CBX6: variants seen among roughly 807,000 people sequenced by gnomAD.
CBX6 encodes chromobox 6.
A neutral mutation model predicts 28.4 loss-of-function variants in CBX6; 7 were observed. The ratio of observed to expected loss-of-function variants is 0.25; its 90% CI spans 0.14 to 0.46. CBX6 has a LOEUF of 0.46. Among genes scored for constraint, CBX6 ranks in the 20% least tolerant of loss-of-function variants. CBX6 has a pLI of 0.99. For synonymous variants in CBX6, 297 were observed against 273.4 expected, an observed-to-expected ratio of 1.09 and a Z score of -0.85; for missense variants, 512 against 606.1, an observed-to-expected ratio of 0.84 and a Z score of 1.63.
Position 38,866,750 on chromosome 22 carries a change from G to T in CBX6, c.698C>A (p.Ala233Glu). 6.2e-7 allele frequency: 1 copy of T among 1,609,614 alleles called. No homozygotes were observed. The highest frequency in any genetic ancestry group is 8.5e-7 in the Non-Finnish European group (1 of 1,178,036). Residue 233 changes from alanine to glutamate, a missense_variant, in exon 5 of 5, where the codon GCG (alanine) becomes GAG (glutamate). Physicochemically the swap from Ala to Glu is moderately radical, Grantham distance 107. Coordinates refer to ENST00000407418, the MANE Select transcript of CBX6 (RefSeq NM_014292.5). This position sits in a 1 kb window ranked among gnomAD's most constrained non-coding sequence, Gnocchi z 7.5. ...QIRHMKFGAFALYKPPPAPLV... is the reference protein window; with the variant it reads ...QIRHMKFGAFELYKPPPAPLV... ...GGGGGCGGGCGGAGGCTTGTACAGC[G>T]CAAAGGCGCCGAACTTCATGTGGCG...
At position 38,861,838 on chromosome 22, in the gene CBX6, TGA is replaced by T; in HGVS notation, c.*4369_*4370del. On this transcript the variant is annotated 3_prime_UTR_variant, in exon 5 of 5. Transcript: ENST00000407418. ...AGGCAACAACACTTCATTTTAAAAA[TGA>T]GAGAAAAAAGAGACAGTGCCCCTCC... is the stretch of plus-strand genomic sequence containing the variant. 1 of 152,030 alleles carries T rather than the reference TGA, an allele frequency of 6.6e-6. No individual in the cohort carries two copies. Among genetic ancestry groups the T allele is most frequent in the East Asian group, 1.9e-4 (1 of 5,192 alleles). The allele number at this position is 152,030 out of a possible 1,614,324, so 9.4% of individuals were successfully genotyped here.
Position 38,871,687 on chromosome 22 carries a change from C to G in CBX6, c.179+5G>C, listed in dbSNP as rs1165203558. 3 of 1,613,520 alleles carry G rather than the reference C, an allele frequency of 1.9e-6. No homozygotes were observed. Among genetic ancestry groups the G allele is most frequent in the Non-Finnish European group, 2.5e-6 (3 of 1,179,684 alleles). On this transcript the variant is annotated splice_donor_5th_base_variant and intron_variant, in intron 3 of 4. Coordinates refer to ENST00000407418, the MANE Select transcript of CBX6 (RefSeq NM_014292.5). This position sits in a 1 kb window ranked among gnomAD's most constrained non-coding sequence, Gnocchi z 5.6. ...CAGCCCCTGCCAGCTTCCCCAACAACTCACTTTTGTTCGAAGGCTGCAATG... is the reference window on the plus strand; with the variant it reads ...CAGCCCCTGCCAGCTTCCCCAACAAGTCACTTTTGTTCGAAGGCTGCAATG...
Position 38,864,326 on chromosome 22 carries a change from G to C in CBX6, c.*1883C>G, listed in dbSNP as rs1310376185. 2 of 151,400 alleles carry C rather than the reference G, an allele frequency of 1.3e-5. No individual in the cohort carries two copies. The highest frequency in any genetic ancestry group is 2.1e-4 in the South Asian group (1 of 4,810). 9.4% of individuals were successfully genotyped at this position (151,400 alleles called of 1,614,324 possible). ...GAAAACACAACTTCTTTACAAAAAA[G>C]TCACGAATGACACGAACTCTCAGGA... On this transcript the variant is annotated 3_prime_UTR_variant, in exon 5 of 5. Coordinates refer to ENST00000407418, the MANE Select transcript of CBX6 (RefSeq NM_014292.5).
Position 38,861,444 on chromosome 22 carries a change from C to G in CBX6, c.*4765G>C, listed in dbSNP as rs1396670160. ...AGCTGGAAGAAGACACAGACACACC[C>G]CAACCTAGGGGCTAGGCCTCAGCTT... On this transcript the variant is annotated 3_prime_UTR_variant, in exon 5 of 5. Transcript: ENST00000407418. 6.6e-6 allele frequency: 1 copy of G among 152,210 alleles called. No individual in the cohort carries two copies. 9.4% of individuals were successfully genotyped at this position (152,210 alleles called of 1,614,324 possible).
Position 38,866,141 on chromosome 22 carries a change from G to A in CBX6, c.*68C>T. On this transcript the variant is annotated 3_prime_UTR_variant, in exon 5 of 5. Coordinates refer to ENST00000407418, the MANE Select transcript of CBX6 (RefSeq NM_014292.5). This position sits in a 1 kb window ranked among gnomAD's most constrained non-coding sequence, Gnocchi z 7.5. ...GGAGAGAGGGCTGGGGGCAAGGGTGGGGTGGGAGCAAGAGTATGACTTCGG... is the reference window on the plus strand; with the variant it reads ...GGAGAGAGGGCTGGGGGCAAGGGTGAGGTGGGAGCAAGAGTATGACTTCGG... The A allele has an allele frequency of 9.0e-7, 1 of 1,116,516 alleles. No homozygotes were observed. The allele number at this position is 1,116,516 out of a possible 1,614,324, so 69.2% of individuals were successfully genotyped here.
In CBX6 at chr22:38,865,615, G is replaced by C. The variant is rs1168023771; in HGVS notation, c.*594C>G. 6.5e-6 allele frequency: 1 copy of C among 153,418 alleles called. No homozygotes were observed. The highest frequency in any genetic ancestry group is 1.5e-5 in the Non-Finnish European group (1 of 68,634). The allele number at this position is 153,418 out of a possible 1,614,324, so 9.5% of individuals were successfully genotyped here. A position where few individuals can be genotyped will look rare whatever the true frequency, so the allele number is the denominator to read the frequency against. On this transcript the variant is annotated 3_prime_UTR_variant, in exon 5 of 5. Transcript: ENST00000407418. ...GGGGTTAGGAAAGAGCCAGGGCTGGGGCAGGGCATAGGGGGTCTACTTAGG... is the reference window on the plus strand; with the variant it reads ...GGGGTTAGGAAAGAGCCAGGGCTGGCGCAGGGCATAGGGGGTCTACTTAGG...
intron 4 of CBX6, among the ~76,000 whole-genome samples, chr22:38,867,887 AC>A (rs1234585583): frequency 1.3e-5 from 2 of 152,218 alleles, no homozygotes; most frequent in African/African-American, 2.4e-5. Flanking sequence ...CTGGGCTGGA[AC>A]CCAACCCGGT....
Position 38,866,003 on chromosome 22 carries a change from G to C in CBX6, c.*206C>G. The C allele has an allele frequency of 1.7e-6, 1 of 593,696 alleles. No homozygotes were observed. Among genetic ancestry groups the C allele is most frequent in the Non-Finnish European group, 3.0e-6 (1 of 334,588 alleles). The allele number at this position is 593,696 out of a possible 1,614,324, so 36.8% of individuals were successfully genotyped here. ...GCTACCATGCATGGGCAGGGGGTGT[G>C]CCCTTCCCCTGCCCCATTCCAGGGT... On this transcript the variant is annotated 3_prime_UTR_variant, in exon 5 of 5. Coordinates refer to ENST00000407418, the MANE Select transcript of CBX6 (RefSeq NM_014292.5). This position sits in a 1 kb window ranked among gnomAD's most constrained non-coding sequence, Gnocchi z 7.5.
chr22:38,866,785 A>ACG lies in CBX6; in HGVS notation c.661_662dup (p.Thr222ValfsTer7). ...CGAACTTCATGTGGCGGATCTGTGT[A>ACG]CGCAGGACGCTCTCGCTGAACTTCT... On this transcript the variant is annotated frameshift_variant, in exon 5 of 5. Transcript: ENST00000407418. LOFTEE classifies it high-confidence loss of function. This position sits in a 1 kb window ranked among gnomAD's most constrained non-coding sequence, Gnocchi z 7.5. 6.2e-7 allele frequency: 1 copy of ACG among 1,612,396 alleles called. No homozygotes were observed. Among genetic ancestry groups the ACG allele is most frequent in the Non-Finnish European group, 8.5e-7 (1 of 1,179,404 alleles).
rs770525641 is a variant in CBX6, at chr22:38,866,430, G to A, written c.1018C>T (p.Pro340Ser). Residue 340 changes from proline (P) to serine (S), a missense_variant, in exon 5 of 5, where the codon CCT becomes TCT. By Grantham distance (74) the Pro-to-Ser change is moderately conservative. Transcript: ENST00000407418. The surrounding 1 kb of genome is among the most constrained non-coding windows in gnomAD (Gnocchi z 7.5). ...PEVTAAAGPA[P>S]PTAPEPAGAS... ...CCGGCGGGCTCAGGGGCCGTGGGAG[G>A]TGCCGGGCCGGCAGCAGCTGTGACC... 6.8e-6 allele frequency: 11 copies of A among 1,609,948 alleles called. No homozygotes were observed. The South Asian group carries it at 1.2e-4, about 18-fold the overall frequency.
Position 38,864,587 on chromosome 22 carries a change from A to G in CBX6, c.*1622T>C, listed in dbSNP as rs1355216880. ...AACCCTGCGAGGGTCCCCGTTCTACATCCCGGGGAGGGGAGGGCTAGGGCC... is the reference window on the plus strand; with the variant it reads ...AACCCTGCGAGGGTCCCCGTTCTACGTCCCGGGGAGGGGAGGGCTAGGGCC... On this transcript the variant is annotated 3_prime_UTR_variant, in exon 5 of 5. Coordinates refer to ENST00000407418, the MANE Select transcript of CBX6 (RefSeq NM_014292.5). The G allele has an allele frequency of 6.6e-6, 1 of 152,580 alleles. No individual in the cohort carries two copies. Among genetic ancestry groups the G allele is most frequent in the Non-Finnish European group, 1.5e-5 (1 of 68,088 alleles). 9.5% of individuals were successfully genotyped at this position (152,580 alleles called of 1,614,324 possible).
At position 38,866,136 on chromosome 22, in the gene CBX6, G is replaced by A; in HGVS notation, c.*73C>T. On this transcript the variant is annotated 3_prime_UTR_variant, in exon 5 of 5. Coordinates refer to ENST00000407418, the MANE Select transcript of CBX6 (RefSeq NM_014292.5). The surrounding 1 kb of genome is among the most constrained non-coding windows in gnomAD (Gnocchi z 7.5). ...CACAGGGAGAGAGGGCTGGGGGCAAGGGTGGGGTGGGAGCAAGAGTATGAC... is the reference window on the plus strand; with the variant it reads ...CACAGGGAGAGAGGGCTGGGGGCAAAGGTGGGGTGGGAGCAAGAGTATGAC... 9.2e-7 allele frequency: 1 copy of A among 1,082,686 alleles called. No individual in the cohort carries two copies. The highest frequency in any genetic ancestry group is 1.3e-6 in the Non-Finnish European group (1 of 750,940). The allele number at this position is 1,082,686 out of a possible 1,614,324, so 67.1% of individuals were successfully genotyped here. A position where few individuals can be genotyped will look rare whatever the true frequency, so the allele number is the denominator to read the frequency against.
chr22:38,862,818 C>T lies in CBX6; in HGVS notation c.*3391G>A, dbSNP rs2093160677. 6.6e-6 allele frequency: 1 copy of T among 152,244 alleles called. No homozygotes were observed. The highest frequency in any genetic ancestry group is 6.5e-5 in the Admixed American group (1 of 15,288). 9.4% of individuals were successfully genotyped at this position (152,244 alleles called of 1,614,324 possible). On this transcript the variant is annotated 3_prime_UTR_variant, in exon 5 of 5. Transcript: ENST00000407418. ...TTGTGCTGGCTCCAGGGCCTGGGCC[C>T]TGCCTTTTAAAGGGCTTTTCCCCAT...
rs554969027 is a variant in CBX6 at position 38,870,051 on chromosome 22, C to T, written c.246+1429G>A. 3 of 152,416 alleles carry T rather than the reference C, an allele frequency of 2.0e-5. No individual in the cohort carries two copies. In the South Asian group the frequency reaches 6.2e-4, roughly 32 times the overall value. The allele number at this position is 152,416 out of a possible 1,614,324, so 9.4% of individuals were successfully genotyped here. A position where few individuals can be genotyped will look rare whatever the true frequency, so the allele number is the denominator to read the frequency against. On this transcript the variant is annotated intron_variant, in intron 4 of 4. Coordinates refer to ENST00000407418, the MANE Select transcript of CBX6 (RefSeq NM_014292.5). This position sits in a 1 kb window ranked among gnomAD's most constrained non-coding sequence, Gnocchi z 4.3. ...TAAAAAAGTCCTACTATCTGTGTCTCTATCCCCTGCCACGCCAACTCTGCA... is the reference window on the plus strand; with the variant it reads ...TAAAAAAGTCCTACTATCTGTGTCTTTATCCCCTGCCACGCCAACTCTGCA...
Position 38,871,080 on chromosome 22 carries a change from C to T in CBX6, c.246+400G>A, listed in dbSNP as rs1435452318. ...AGGCAGGTGGTCCCCCAAATCCTCTCCTTGTGCCCTGCCAGGAGGTGGGAC... is the reference window on the plus strand; with the variant it reads ...AGGCAGGTGGTCCCCCAAATCCTCTTCTTGTGCCCTGCCAGGAGGTGGGAC... On this transcript the variant is annotated intron_variant, in intron 4 of 4. Coordinates refer to ENST00000407418, the MANE Select transcript of CBX6 (RefSeq NM_014292.5). The surrounding 1 kb of genome is among the most constrained non-coding windows in gnomAD (Gnocchi z 5.6). 2 of 212,720 alleles carry T rather than the reference C, an allele frequency of 9.4e-6. No homozygotes were observed. The highest frequency in any genetic ancestry group is 4.7e-5 in the African/African-American group (2 of 42,800). 13.2% of individuals were successfully genotyped at this position (212,720 alleles called of 1,614,324 possible).
At position 38,866,847 on chromosome 22, in the gene CBX6, T is replaced by C. The variant is rs542168274; in HGVS notation, c.601A>G (p.Lys201Glu). ...GQGAGALARP[K>E]VPSRNRVIGK... ...ATAACGCGGTTCCGCGAGGGGACTT[T>C]GGGGCGGGCCAGCGCCCCGGCCCCC... The change falls in exon 5 of 5, where the codon AAA becomes GAA. Residue 201 changes from lysine (K) to glutamate (E), a missense_variant. Physicochemically the swap from Lys to Glu is moderately conservative, Grantham distance 56. This residue lies in a region of CBX6 where 290 missense variants were observed against 274.1 expected (regional missense o/e 1.06). Transcript: ENST00000407418. This position sits in a 1 kb window ranked among gnomAD's most constrained non-coding sequence, Gnocchi z 7.5. 1.2e-6 allele frequency: 2 copies of C among 1,610,346 alleles called. No homozygotes were observed. The highest frequency in any genetic ancestry group is 1.3e-5 in the African/African-American group (1 of 74,862).
In CBX6 at chr22:38,872,109, G is replaced by A. The variant is rs1603251130; in HGVS notation, c.69+13C>T. Reference sequence around the variant, plus strand: ...CTGCGGACAGCGGCGGCCCGCCCCGGGCGGCGGCTCACCTTTCGGATCCGC... The same window carrying A: ...CTGCGGACAGCGGCGGCCCGCCCCGAGCGGCGGCTCACCTTTCGGATCCGC... On this transcript the variant is annotated intron_variant, in intron 1 of 4. Coordinates refer to ENST00000407418, the MANE Select transcript of CBX6 (RefSeq NM_014292.5). The surrounding 1 kb of genome is among the most constrained non-coding windows in gnomAD (Gnocchi z 5.0). 1 of 1,379,356 alleles carries A rather than the reference G, an allele frequency of 7.2e-7. No homozygotes were observed. Among genetic ancestry groups the A allele is most frequent in the Non-Finnish European group, 9.5e-7 (1 of 1,053,352 alleles). 85.4% of individuals were successfully genotyped at this position (1,379,356 alleles called of 1,614,324 possible). A position where few individuals can be genotyped will look rare whatever the true frequency, so the allele number is the denominator to read the frequency against.
chr22:38,872,021 C>G lies in CBX6; in HGVS notation c.70-76G>C. On this transcript the variant is annotated intron_variant, in intron 1 of 4. Coordinates refer to ENST00000407418, the MANE Select transcript of CBX6 (RefSeq NM_014292.5). This position sits in a 1 kb window ranked among gnomAD's most constrained non-coding sequence, Gnocchi z 5.0. ...GACGCGAGGAGGCGGCGGCGCGGGG[C>G]TGGGCGAGGGAGCCGGGCTAGCGGG... 7.1e-7 allele frequency: 1 copy of G among 1,405,258 alleles called. No individual in the cohort carries two copies. Among genetic ancestry groups the G allele is most frequent in the African/African-American group, 1.5e-5 (1 of 66,532 alleles). The allele number at this position is 1,405,258 out of a possible 1,614,324, so 87.0% of individuals were successfully genotyped here. A position where few individuals can be genotyped will look rare whatever the true frequency, so the allele number is the denominator to read the frequency against.
At position 38,871,027 on chromosome 22, in the gene CBX6, G is replaced by C. The variant is rs1309062485; in HGVS notation, c.246+453C>G. 1 of 170,400 alleles carries C rather than the reference G, an allele frequency of 5.9e-6. No individual in the cohort carries two copies. The highest frequency in any genetic ancestry group is 1.8e-4 in the East Asian group (1 of 5,562). The allele number at this position is 170,400 out of a possible 1,614,324, so 10.6% of individuals were successfully genotyped here. A position where few individuals can be genotyped will look rare whatever the true frequency, so the allele number is the denominator to read the frequency against. On this transcript the variant is annotated intron_variant, in intron 4 of 4. Transcript: ENST00000407418. The surrounding 1 kb of genome is among the most constrained non-coding windows in gnomAD (Gnocchi z 5.6). Reference sequence around the variant, plus strand: ...GAGCCATGAAGAACAAATCCTGAAAGACTGAACGGGGGAAGCTGGGGGCAG... The same window carrying C: ...GAGCCATGAAGAACAAATCCTGAAACACTGAACGGGGGAAGCTGGGGGCAG...
Sources: gnomAD v4.1 joint callset for allele counts (sites outside exome capture counted in the v4.1 genomes callset) on GRCh38, gnomAD v4.1.1 for gene constraint, gnomAD v4.1.1 regional missense constraint, Gnocchi (gnomAD v3.1) non-coding constraint, MANE v1.5 for transcripts, NCBI Gene and HGNC (gene_info 2026-07-23, HGNC 2026-07-21) for gene names.